Variants in SLC9A5 observed in about 807,000 individuals in gnomAD.
SLC9A5 encodes the protein sodium/hydrogen exchanger 5.
Under a neutral mutation model 91.7 loss-of-function variants are expected in SLC9A5, and 52 were observed. That is an observed-to-expected ratio of 0.57 (90% CI 0.45 to 0.71). The LOEUF is 0.71. Among genes scored for constraint, SLC9A5 ranks in the 30% least tolerant of loss-of-function variants. The pLI, the probability that SLC9A5 is intolerant of heterozygous loss-of-function variation, is 0.00. For missense variants in SLC9A5, 871 were observed against 1,158.9 expected (o/e 0.75, Z 3.61); for synonymous variants, 419 against 474.5 (o/e 0.88, Z 1.52).
Position 67,252,889 on chromosome 16 carries a change from C to G in SLC9A5, c.490+45C>G, listed in dbSNP as rs200327128. 389 of 1,521,164 alleles carry G rather than the reference C, an allele frequency of 2.6e-4. 4 individuals carry two copies. In the South Asian group the frequency reaches 3.6e-3, roughly 14 times the overall value. The allele number at this position is 1,521,164 out of a possible 1,614,324, so 94.2% of individuals were successfully genotyped here. A position where few individuals can be genotyped will look rare whatever the true frequency, so the allele number is the denominator to read the frequency against. ...GGGCTTTGCCAGACCCATCACCCCT[C>G]TCCCTTCTCCTCAAGCTCTGGAGGC... On this transcript the variant is annotated intron_variant, in intron 2 of 15. Transcript: ENST00000299798. This position sits in a 1 kb window ranked among gnomAD's most constrained non-coding sequence, Gnocchi z 4.0.
Position 67,270,940 on chromosome 16 carries a change from C to G in SLC9A5, c.2421C>G (p.Asn807Lys). The change falls in exon 16 of 16, where the codon AAC (asparagine) becomes AAG (lysine). Residue 807 changes from asparagine (N) to lysine (K), a missense_variant. Around this residue, in one of 3 missense-constraint regions of SLC9A5, gnomAD observed 295 missense variants for 326.0 expected, o/e 0.90. Coordinates refer to ENST00000299798, the MANE Select transcript of SLC9A5 (RefSeq NM_004594.3). The surrounding 1 kb of genome is among the most constrained non-coding windows in gnomAD (Gnocchi z 4.3). ...AGAGCCTAGCGTCCCCTCCCTGTAA[C>G]CAGGCCCCAATTCTGACCTGCCTGC... Reference protein sequence around the residue: ...SLESLASPPCNQAPILTCLPP... With the variant: ...SLESLASPPCKQAPILTCLPP... 6.2e-7 allele frequency: 1 copy of G among 1,614,058 alleles called. No individual in the cohort carries two copies. Among genetic ancestry groups the G allele is most frequent in the South Asian group, 1.1e-5 (1 of 91,066 alleles).
chr16:67,264,681 T>C (rs1484267152), intron 13 of SLC9A5, among the ~76,000 whole-genome samples, 159 bp downstream of exon 13: 1 of 152,134 alleles, frequency 6.6e-6, no homozygotes, highest in African/African-American at 2.4e-5. Context: ...TAGATGTTCC[T>C]GGAGTCCCAG....
intron 2 of SLC9A5, among the ~76,000 whole-genome samples, chr16:67,254,014 T>C (rs1244023037): frequency 6.6e-6 from 1 of 152,198 alleles, no homozygotes; most frequent in East Asian, 1.9e-4. Context: ...AGTGAACTAT[T>C]TGGGGCAGGA....
chr16:67,259,993 G>A, intron 12 of SLC9A5, 47 bp downstream of exon 12: 1 of 1,596,684 alleles, frequency 6.3e-7, no homozygotes, highest in South Asian at 1.1e-5. Flanking sequence ...GAGGTGGTCT[G>A]AGGAGAGCTT....
rs1163401561 is a variant in SLC9A5 at position 67,259,888 on chromosome 16, G to A, written c.1784G>A (p.Arg595His). ...VIDTVRSGRDREDAVMHHLLC... is the reference protein window; with the variant it reads ...VIDTVRSGRDHEDAVMHHLLC... ...GACACAGTACGCAGCGGCCGGGATCGTGAGGATGCTGTGATGCATCATCTG... is the reference window on the plus strand; with the variant it reads ...GACACAGTACGCAGCGGCCGGGATCATGAGGATGCTGTGATGCATCATCTG... Residue 595 changes from arginine (R) to histidine (H), a missense_variant, in exon 12 of 16, where the codon CGT becomes CAT. Arg to His is a conservative substitution (Grantham distance 29). Around this residue, in one of 3 missense-constraint regions of SLC9A5, gnomAD observed 454 missense variants for 718.3 expected, o/e 0.63. Coordinates refer to ENST00000299798, the MANE Select transcript of SLC9A5 (RefSeq NM_004594.3). 4 of 1,614,126 alleles carry A rather than the reference G, an allele frequency of 2.5e-6. No homozygotes were observed. Among genetic ancestry groups the A allele is most frequent in the Non-Finnish European group, 2.5e-6 (3 of 1,180,012 alleles).
chr16:67,251,435 ACAGAGT>A (rs2035116918), intron 1 of SLC9A5, among the ~76,000 whole-genome samples: 1 of 94,816 alleles, frequency 1.1e-5, no homozygotes, highest in Non-Finnish European at 1.9e-5. Flanking sequence ...TTTTTTTGAG[ACAGAGT>A]CTCACTCTGT....
intron 1 of SLC9A5, among the ~76,000 whole-genome samples, chr16:67,249,584 G>A (rs2035034022): frequency 6.6e-6 from 1 of 152,156 alleles, no homozygotes; most frequent in African/African-American, 2.4e-5. Context: ...GGGACATTGA[G>A]GGGAGGGTGT....
rs1028397134 is a variant in SLC9A5 at position 67,249,083 on chromosome 16, G to T, written c.69G>T (p.Lys23Asn). Residue 23 changes from lysine (K) to asparagine (N), a missense_variant, in exon 1 of 16, where the codon AAG becomes AAT. Around this residue, in one of 3 missense-constraint regions of SLC9A5, gnomAD observed 122 missense variants for 114.5 expected, o/e 1.07. Coordinates refer to ENST00000299798, the MANE Select transcript of SLC9A5 (RefSeq NM_004594.3). ...GGGCGGCCGAAGAGCCCACCCAGAA[G>T]CCAGAGTCCCCGGGCGAGCCTCCCC... ...LAGAAEEPTQKPESPGEPPPG... is the reference protein window; with the variant it reads ...LAGAAEEPTQNPESPGEPPPG... The T allele has an allele frequency of 1.1e-5, 17 of 1,532,620 alleles. No homozygotes were observed. In the Admixed American group the frequency reaches 3.4e-4, roughly 30 times the overall value. 94.9% of individuals were successfully genotyped at this position (1,532,620 alleles called of 1,614,324 possible). A position where few individuals can be genotyped will look rare whatever the true frequency, so the allele number is the denominator to read the frequency against.
At position 67,252,471 on chromosome 16, in the gene SLC9A5, G is replaced by A. The variant is rs2035164054; in HGVS notation, c.188-71G>A. 1.5e-6 allele frequency: 2 copies of A among 1,343,976 alleles called. No homozygotes were observed. Among genetic ancestry groups the A allele is most frequent in the African/African-American group, 1.5e-5 (1 of 68,006 alleles). The allele number at this position is 1,343,976 out of a possible 1,614,324, so 83.3% of individuals were successfully genotyped here. On this transcript the variant is annotated intron_variant, in intron 1 of 15. Transcript: ENST00000299798. This position sits in a 1 kb window ranked among gnomAD's most constrained non-coding sequence, Gnocchi z 4.0. ...TCTCAAAAAAAAAAAAACAAAACTG[G>A]GAGTTCATAGGCCTGTGTGTGGGAG... is the stretch of plus-strand genomic sequence containing the variant.
intron 12 of SLC9A5, chr16:67,261,989 T>C: frequency 3.6e-6 from 1 of 277,152 alleles, no homozygotes. Context: ...GATTGGTCAA[T>C]GGGTTCAGTC....
chr16:67,268,538 G>A (rs1189822270), intron 15 of SLC9A5, among the ~76,000 whole-genome samples: 3 of 148,672 alleles, frequency 2.0e-5, no homozygotes, highest in Non-Finnish European at 4.5e-5. Context: ...CTCCAGCCTG[G>A]GCAACAGAAC....
Position 67,258,247 on chromosome 16 carries a change from C to A in SLC9A5, c.1497-71C>A. ...GGCCAGTGCTGACGGTGTCCTTGCC[C>A]CGTCTGAGGAAGGGCCACCTGGCCA... On this transcript the variant is annotated intron_variant, in intron 9 of 15. Coordinates refer to ENST00000299798, the MANE Select transcript of SLC9A5 (RefSeq NM_004594.3). This position sits in a 1 kb window ranked among gnomAD's most constrained non-coding sequence, Gnocchi z 4.5. The A allele has an allele frequency of 6.4e-7, 1 of 1,561,966 alleles. No homozygotes were observed. Among genetic ancestry groups the A allele is most frequent in the African/African-American group, 1.3e-5 (1 of 74,324 alleles).
intron 2 of SLC9A5, among the ~76,000 whole-genome samples, chr16:67,254,203 G>C (rs1195245694): frequency 6.6e-6 from 1 of 152,190 alleles, no homozygotes; most frequent in African/African-American, 2.4e-5. Context: ...AGTCCGATCT[G>C]TGTTGCTTTT....
At chr16:67,265,911 C>G (rs1338545304) in intron 14 of SLC9A5, among the ~76,000 whole-genome samples, 177 bp from the exon 15 acceptor site, 1 of 152,180 alleles carries the variant, frequency 6.6e-6, no homozygotes, top group African/African-American at 2.4e-5. Context: ...AATGTCAGTT[C>G]TCTTCCTCCC....
chr16:67,257,079 C>G lies in SLC9A5; in HGVS notation c.1301C>G (p.Thr434Ser). The G allele has an allele frequency of 6.2e-7, 1 of 1,612,460 alleles. No homozygotes were observed. The highest frequency in any genetic ancestry group is 1.1e-5 in the South Asian group (1 of 91,080). Residue 434 changes from threonine to serine, a missense_variant, in exon 7 of 16, where the codon ACT becomes AGT. Thr to Ser is a moderately conservative substitution (Grantham distance 58). Around this residue, in one of 3 missense-constraint regions of SLC9A5, gnomAD observed 454 missense variants for 718.3 expected, o/e 0.63. Coordinates refer to ENST00000299798, the MANE Select transcript of SLC9A5 (RefSeq NM_004594.3). This position sits in a 1 kb window ranked among gnomAD's most constrained non-coding sequence, Gnocchi z 5.1. ...GCCAAGGACTACTTTGTAGCCACCA[C>G]TATTGTAGTGGTCTTCTTCACAGTC... ...VPAKDYFVAT[T>S]IVVVFFTVIV... is the part of the protein sequence containing the mutation.
In SLC9A5 at chr16:67,264,461, C is replaced by T; in HGVS notation, c.1952C>T (p.Thr651Ile). The T allele has an allele frequency of 6.2e-7, 1 of 1,614,166 alleles. No homozygotes were observed. Among genetic ancestry groups the T allele is most frequent in the Non-Finnish European group, 8.5e-7 (1 of 1,180,020 alleles). The change falls in exon 13 of 16, where the codon ACC (threonine) becomes ATC (isoleucine). Residue 651 changes from threonine to isoleucine, a missense_variant. Physicochemically the swap from Thr to Ile is moderately conservative, Grantham distance 89. Around this residue, in one of 3 missense-constraint regions of SLC9A5, gnomAD observed 295 missense variants for 326.0 expected, o/e 0.90. Coordinates refer to ENST00000299798, the MANE Select transcript of SLC9A5 (RefSeq NM_004594.3). ...CGGCGGCTGGAGTCCTTTAAGTCCA[C>T]CAAGCACAACATCTGCTTCACCAAG... ...MKRRLESFKSTKHNICFTKSK... is the reference protein window; with the variant it reads ...MKRRLESFKSIKHNICFTKSK...
At chr16:67,249,521 C>G (rs991085887) in intron 1 of SLC9A5, among the ~76,000 whole-genome samples, 8 of 152,168 alleles carry the variant, frequency 5.3e-5, no homozygotes, top group African/African-American at 1.9e-4. Context: ...TCTGGTCTCT[C>G]CCCCACCAAT....
At chr16:67,251,042 G>A (rs72798021) in intron 1 of SLC9A5, among the ~76,000 whole-genome samples, 5,122 of 152,240 alleles carry the variant, frequency 0.034, 138 homozygotes, top group Non-Finnish European at 0.048. Context: ...CATTATGCTA[G>A]GCACATTTGC....
At position 67,255,264 on chromosome 16, in the gene SLC9A5, C is replaced by A. The variant is rs1597348238; in HGVS notation, c.654+80C>A. On this transcript the variant is annotated intron_variant, in intron 3 of 15. Coordinates refer to ENST00000299798, the MANE Select transcript of SLC9A5 (RefSeq NM_004594.3). The surrounding 1 kb of genome is among the most constrained non-coding windows in gnomAD (Gnocchi z 4.9). ...AACTAGGGGTCTGCGCAGACTCAGT[C>A]CCTTCCCTTGGGTCCCCTGGGGCAG... 7 of 1,553,444 alleles carry A rather than the reference C, an allele frequency of 4.5e-6. No homozygotes were observed. In the East Asian group the frequency reaches 1.4e-4, roughly 30 times the overall value.
Sources: allele counts gnomAD v4.1 joint callset (sites outside exome capture counted in the v4.1 genomes callset), GRCh38; gene constraint gnomAD v4.1.1; regional missense constraint gnomAD v4.1.1; non-coding constraint Gnocchi (gnomAD v3.1); transcripts MANE v1.5; gene names NCBI Gene and HGNC (gene_info 2026-07-23, HGNC 2026-07-21).